PLCXD3: variants seen among roughly 807,000 people sequenced by gnomAD.
PLCXD3 encodes the protein phosphatidylinositol specific phospholipase C X domain containing 3.
A neutral mutation model predicts 25.5 loss-of-function variants in PLCXD3; 19 were observed. The observed-to-expected ratio is 0.75, with a 90% CI of 0.52 to 1.09. The LOEUF (loss-of-function observed/expected upper bound fraction) is 1.09. Among genes scored for constraint, PLCXD3 ranks in the 50% least tolerant of loss-of-function variants. The pLI, the probability that PLCXD3 is intolerant of heterozygous loss-of-function variation, is 0.00. For missense variants in PLCXD3, 411 were observed against 388.1 expected (o/e 1.06, Z -0.50); for synonymous variants, 174 against 137.6 (o/e 1.26, Z -1.85).
Position 41,483,509 on chromosome 5 carries a change from A to G in PLCXD3, c.103+26915T>C, listed in dbSNP as rs527945089. Among the ~76,000 whole-genome samples the G allele has an allele frequency of 1.8e-3, 267 of 152,318 alleles. 1 individual carries two copies. The highest frequency in any genetic ancestry group is 0.017 in the Middle Eastern group (5 of 294). On this transcript the variant is annotated intron_variant, in intron 1 of 2. Coordinates refer to ENST00000377801, the MANE Select transcript of PLCXD3 (RefSeq NM_001005473.3). ...AATATATGCTATATCTTCGTAATAC[A>G]TAAAGTGCTTTATAAGTGAAATAAA...
intron 1 of PLCXD3, among the ~76,000 whole-genome samples, chr5:41,460,223 G>A (rs1055530070): frequency 6.6e-6 from 1 of 151,884 alleles, no homozygotes; most frequent in Non-Finnish European, 1.5e-5. Context: ...TAGCACTCCA[G>A]TGTCTATCAT....
intron 1 of PLCXD3, among the ~76,000 whole-genome samples, chr5:41,390,985 A>G (rs973004952): frequency 6.6e-6 from 1 of 152,206 alleles, no homozygotes; most frequent in African/African-American, 2.4e-5. Context: ...GACAAAAATC[A>G]GCTGATGCTC....
chr5:41,475,560 C>T, intron 1 of PLCXD3: 1 of 524,340 alleles, frequency 1.9e-6, no homozygotes, highest in Non-Finnish European at 3.9e-6. Context: ...CTATTTATCC[C>T]TACTTATCTC....
At chr5:41,404,608 A>G (rs1746296618) in intron 1 of PLCXD3, among the ~76,000 whole-genome samples, 1 of 152,296 alleles carries the variant, frequency 6.6e-6, no homozygotes, top group African/African-American at 2.4e-5. Context: ...TGCTTTGAGC[A>G]GTGTCTAAAG....
chr5:41,395,912 T>C (rs1580348699), intron 1 of PLCXD3, among the ~76,000 whole-genome samples: 2 of 151,306 alleles, frequency 1.3e-5, no homozygotes, highest in East Asian at 3.9e-4. Flanking sequence ...TTCAAACTAT[T>C]CTAAAAATAG....
At chr5:41,394,131 A>G (rs927137119) in intron 1 of PLCXD3, among the ~76,000 whole-genome samples, 5 of 152,260 alleles carry the variant, frequency 3.3e-5, no homozygotes, top group African/African-American at 9.6e-5. Context: ...AAACAACAAA[A>G]AGTTAAAAAG....
intron 1 of PLCXD3, among the ~76,000 whole-genome samples, chr5:41,432,683 T>C (rs1407363042): frequency 1.3e-5 from 2 of 152,130 alleles, no homozygotes; most frequent in African/African-American, 4.8e-5. Flanking sequence ...CCAATCAATG[T>C]GTAAGAGATA....
chr5:41,473,525 C>G (rs2150520751), intron 1 of PLCXD3, among the ~76,000 whole-genome samples: 1 of 152,118 alleles, frequency 6.6e-6, no homozygotes, highest in South Asian at 2.1e-4. Flanking sequence ...GGAGCGCAGG[C>G]TCCGCCTCCC....
intron 1 of PLCXD3, among the ~76,000 whole-genome samples, chr5:41,436,838 T>C (rs1230512120): frequency 6.6e-6 from 1 of 152,242 alleles, no homozygotes; most frequent in Non-Finnish European, 1.5e-5. Context: ...AAATAATTTA[T>C]CTATAGAATT....
rs1408710215 is a variant in PLCXD3, at chr5:41,311,062, A to G, written c.*2555T>C. 6.6e-6 allele frequency: 1 copy of G among 152,178 alleles called. No homozygotes were observed. The highest frequency in any genetic ancestry group is 1.5e-5 in the Non-Finnish European group (1 of 68,022). The allele number at this position is 152,178 out of a possible 1,614,324, so 9.4% of individuals were successfully genotyped here. A position where few individuals can be genotyped will look rare whatever the true frequency, so the allele number is the denominator to read the frequency against. ...GAAAATACAACATAGTTACCTCTAT[A>G]TTTTATTCATGATATGATGAAAAAT... On this transcript the variant is annotated 3_prime_UTR_variant, in exon 3 of 3. Transcript: ENST00000377801.
rs562018435 is a variant in PLCXD3 at position 41,385,012 on chromosome 5, A to G, written c.104-2478T>C. Reference sequence around the variant, plus strand: ...CTATGCATTTTGTAAGAAATATATAATATAGTGTTGGCTAAAAAATGAATA... The same window carrying G: ...CTATGCATTTTGTAAGAAATATATAGTATAGTGTTGGCTAAAAAATGAATA... On this transcript the variant is annotated intron_variant, in intron 1 of 2. Transcript: ENST00000377801. 2.6e-5 allele frequency among the ~76,000 whole-genome samples: 4 copies of G among 152,214 alleles called. No individual in the cohort carries two copies. In the East Asian group the frequency reaches 7.7e-4, roughly 29 times the overall value.
At chr5:41,461,108 G>A (rs1003068530) in intron 1 of PLCXD3, among the ~76,000 whole-genome samples, 1 of 151,804 alleles carries the variant, frequency 6.6e-6, no homozygotes, top group Non-Finnish European at 1.5e-5. Flanking sequence ...ATACATTTTG[G>A]TATTACATTG....
At chr5:41,476,226 C>A (rs763797762) in intron 1 of PLCXD3, among the ~76,000 whole-genome samples, 1 of 152,108 alleles carries the variant, frequency 6.6e-6, no homozygotes, top group African/African-American at 2.4e-5. Context: ...GGAGAGTGGG[C>A]AGAAAAAAGT....
At chr5:41,471,492 C>T (rs1003722568) in intron 1 of PLCXD3, among the ~76,000 whole-genome samples, 12 of 152,146 alleles carry the variant, frequency 7.9e-5, no homozygotes, top group Non-Finnish European at 1.6e-4. Context: ...AGAGGAGAAT[C>T]GCCCATCCCA....
intron 1 of PLCXD3, among the ~76,000 whole-genome samples, chr5:41,471,791 C>CCTTCCCTTCT (rs1748164762): frequency 3.4e-5 from 1 of 29,584 alleles, no homozygotes; most frequent in African/African-American, 9.6e-5. Context: ...CCTTCCCTTC[C>CCTTCCCTTCT]CTTCCCTTCC....
Position 41,466,988 on chromosome 5 carries a change from C to T in PLCXD3, c.103+43436G>A, listed in dbSNP as rs561222060. 1.9e-4 allele frequency among the ~76,000 whole-genome samples: 29 copies of T among 152,168 alleles called. 1 individual carries two copies. The highest frequency in any genetic ancestry group is 3.2e-4 in the Non-Finnish European group (22 of 67,972). The stretch of plus-strand genomic sequence containing the variant: ...GACACTTAGGTTGATTCTATATCTT[C>T]GCTATTGTGAATGGTGCTGCAATGA... On this transcript the variant is annotated intron_variant, in intron 1 of 2. Coordinates refer to ENST00000377801, the MANE Select transcript of PLCXD3 (RefSeq NM_001005473.3).
intron 1 of PLCXD3, among the ~76,000 whole-genome samples, chr5:41,460,722 C>T (rs962076854): frequency 2.0e-5 from 3 of 151,978 alleles, no homozygotes; most frequent in Admixed American, 1.3e-4. Flanking sequence ...TGCAATTTTA[C>T]TTGAAATCTT....
At chr5:41,433,666 C>T (rs1747168934) in intron 1 of PLCXD3, among the ~76,000 whole-genome samples, 1 of 152,146 alleles carries the variant, frequency 6.6e-6, no homozygotes, top group African/African-American at 2.4e-5. Flanking sequence ...ACAAAAATGA[C>T]AGTAGAAATC....
At chr5:41,473,107 A>C (rs985650913) in intron 1 of PLCXD3, among the ~76,000 whole-genome samples, 1 of 152,194 alleles carries the variant, frequency 6.6e-6, no homozygotes, top group African/African-American at 2.4e-5. Flanking sequence ...ATCTGCAAGT[A>C]AAGAAATATT....
Sources: gnomAD v4.1 joint callset for allele counts (sites outside exome capture counted in the v4.1 genomes callset) on GRCh38, gnomAD v4.1.1 for gene constraint, MANE v1.5 for transcripts, NCBI Gene and HGNC (gene_info 2026-07-23, HGNC 2026-07-21) for gene names.